Variants in SPI1 observed in about 807,000 individuals in gnomAD.
SPI1 encodes the protein transcription factor PU.1.
SPI1 carries 3 observed loss-of-function variants against 30.7 expected under a neutral mutation model. That is an observed-to-expected ratio of 0.10 (90% confidence interval 0.04 to 0.25). The LOEUF (loss-of-function observed/expected upper bound fraction) is 0.25. Ranked by LOEUF, SPI1 falls within the 10% of genes least tolerant of loss-of-function variation. The pLI is 1.00. For synonymous variants in SPI1, 169 were observed against 157.1 expected (o/e 1.08, Z -0.56); for missense variants, 261 against 371.5 (o/e 0.70, Z 2.45).
At chr11:47,355,757 C>T (rs2095907412) in intron 4 of SPI1, among the ~76,000 whole-genome samples, 1 of 145,094 alleles carries the variant, frequency 6.9e-6, no homozygotes, top group Admixed American at 7.1e-5. Context: ...CACACACCCA[C>T]TCACACCCAC....
intron 2 of SPI1, among the ~76,000 whole-genome samples, chr11:47,365,669 A>C (rs946742609): frequency 2.7e-5 from 2 of 72,966 alleles, no homozygotes; most frequent in African/African-American, 8.3e-5. Flanking sequence ...GAAAACTTTC[A>C]GTAAGACCTG....
At chr11:47,358,818 C>T (rs1339134279) in intron 4 of SPI1, 26 bp downstream of exon 4, 2 of 1,548,612 alleles carry the variant, frequency 1.3e-6, no homozygotes, top group African/African-American at 2.7e-5. Context: ...AGGGTCGGGG[C>T]CAGGGTGGAG....
chr11:47,372,940 C>G (rs1313904936), intron 2 of SPI1, among the ~76,000 whole-genome samples: 1 of 152,202 alleles, frequency 6.6e-6, no homozygotes, highest in Non-Finnish European at 1.5e-5. Flanking sequence ...TGGGCCAAAG[C>G]TTTTTCACTA....
rs1057233 is a variant in SPI1, at chr11:47,354,897, G to A, written c.*330C>T. On this transcript the variant is annotated 3_prime_UTR_variant, in exon 5 of 5. Coordinates refer to ENST00000378538, the MANE Select transcript of SPI1 (RefSeq NM_003120.3). Reference sequence around the variant, plus strand: ...AACTTTACTTGTTTTTTGGGAGGAGGTTAATGGGTGGGAGGGGTGAGAGGG... The same window carrying A: ...AACTTTACTTGTTTTTTGGGAGGAGATTAATGGGTGGGAGGGGTGAGAGGG... 0.68 allele frequency: 162,263 copies of A among 238,742 alleles called. 55,669 individuals carry two copies. The highest frequency in any genetic ancestry group is 0.75 in the African/African-American group (32,753 of 43,944). 14.8% of individuals were successfully genotyped at this position (238,742 alleles called of 1,614,324 possible).
At chr11:47,361,266 G>C (rs1435148421) in intron 2 of SPI1, among the ~76,000 whole-genome samples, 1 of 152,162 alleles carries the variant, frequency 6.6e-6, no homozygotes, top group East Asian at 1.9e-4. Context: ...CAGAGTCACA[G>C]GGCTGACATT....
At chr11:47,356,628 C>G (rs1565635698) in intron 4 of SPI1, among the ~76,000 whole-genome samples, 1 of 151,858 alleles carries the variant, frequency 6.6e-6, no homozygotes, top group Non-Finnish European at 1.5e-5. Flanking sequence ...CTTACACATG[C>G]TTGCACAAAC....
At position 47,358,999 on chromosome 11, in the gene SPI1, T is replaced by C. The variant is rs376045381; in HGVS notation, c.338A>G (p.Tyr113Cys). The C allele has an allele frequency of 2.0e-5, 31 of 1,527,280 alleles. No individual in the cohort carries two copies. Among genetic ancestry groups the C allele is most frequent in the Middle Eastern group, 1.8e-4 (1 of 5,556 alleles). The allele number at this position is 1,527,280 out of a possible 1,614,324, so 94.6% of individuals were successfully genotyped here. A position where few individuals can be genotyped will look rare whatever the true frequency, so the allele number is the denominator to read the frequency against. Reference protein sequence around the residue: ...PHPSLGHQVSYLPRMCLQYPS... With the variant: ...PHPSLGHQVSCLPRMCLQYPS... ...GTACTGGAGGCACATCCGGGGCAGG[T>C]AGGAGACCTGGACGGTGGGGGAAGG... The change falls in exon 4 of 5, where the codon TAC becomes TGC. Residue 113 changes from tyrosine (Y) to cysteine (C), a missense_variant. By Grantham distance (194) the Tyr-to-Cys change is radical. Coordinates refer to ENST00000378538, the MANE Select transcript of SPI1 (RefSeq NM_003120.3).
At chr11:47,358,583 C>A (rs1159630269) in intron 4 of SPI1, 24 of 702,706 alleles carry the variant, frequency 3.4e-5, no homozygotes, top group Non-Finnish European at 6.0e-5. Context: ...TCACACACAC[C>A]CAGATGTACA....
intron 4 of SPI1, among the ~76,000 whole-genome samples, chr11:47,356,954 TCA>T (rs1041905389): frequency 1.5e-4 from 21 of 143,618 alleles, no homozygotes; most frequent in East Asian, 2.1e-4. Flanking sequence ...ACACACCCAC[TCA>T]CACATGCTCA....
At chr11:47,360,109 C>G in intron 2 of SPI1, 69 bp from the exon 3 acceptor site, 1 of 1,321,734 alleles carries the variant, frequency 7.6e-7, no homozygotes, top group Non-Finnish European at 1.0e-6. Flanking sequence ...GTTATAGTAA[C>G]ATTAAATAAT....
chr11:47,367,553 C>A (rs866157396), intron 2 of SPI1, among the ~76,000 whole-genome samples: 123 of 114,424 alleles, frequency 1.1e-3, no homozygotes, highest in Middle Eastern at 4.5e-3. Context: ...GACTCTGCCT[C>A]AAAAAAAAAA....
At chr11:47,356,367 C>A (rs2095909267) in intron 4 of SPI1, among the ~76,000 whole-genome samples, 1 of 150,736 alleles carries the variant, frequency 6.6e-6, no homozygotes, top group Non-Finnish European at 1.5e-5. Flanking sequence ...CACACCCACT[C>A]ATGCTCACAC....
intron 2 of SPI1, among the ~76,000 whole-genome samples, chr11:47,365,034 T>C (rs1297730696): frequency 6.6e-6 from 1 of 152,214 alleles, no homozygotes; most frequent in Admixed American, 6.5e-5. Flanking sequence ...CAGGCAATTA[T>C]GTAATAAATA....
rs760405055 is a variant in SPI1 at position 47,359,841 on chromosome 11, G to A, written c.330+12C>T. 1.1e-5 allele frequency: 18 copies of A among 1,601,962 alleles called. No individual in the cohort carries two copies. The highest frequency in any genetic ancestry group is 8.8e-5 in the South Asian group (8 of 91,048). ...CAGTCTCCTGGGGGACGGGGCAGGCGGTGGCATGCACCTGGTGGCCAAGAC... is the reference window on the plus strand; with the variant it reads ...CAGTCTCCTGGGGGACGGGGCAGGCAGTGGCATGCACCTGGTGGCCAAGAC... On this transcript the variant is annotated intron_variant, in intron 3 of 4. Transcript: ENST00000378538. The surrounding 1 kb of genome is among the most constrained non-coding windows in gnomAD (Gnocchi z 5.1).
intron 2 of SPI1, among the ~76,000 whole-genome samples, chr11:47,363,711 C>G (rs1222602249): frequency 6.6e-6 from 1 of 151,868 alleles, no homozygotes; most frequent in Admixed American, 6.6e-5. Context: ...GCCTGTAATC[C>G]AAGCACTTTG....
chr11:47,356,646 C>T (rs2095910173), intron 4 of SPI1, among the ~76,000 whole-genome samples: 1 of 151,828 alleles, frequency 6.6e-6, no homozygotes, highest in Non-Finnish European at 1.5e-5. Flanking sequence ...AACACACCTG[C>T]TTACACATCT....
At chr11:47,357,344 CAT>C (rs900582763) in intron 4 of SPI1, among the ~76,000 whole-genome samples, 22 of 40,922 alleles carry the variant, frequency 5.4e-4, no homozygotes, top group East Asian at 4.9e-3. Context: ...CCTGCTCACT[CAT>C]ATTTCACACC....
chr11:47,357,391 CACAT>C (rs1402997772), intron 4 of SPI1, among the ~76,000 whole-genome samples: 1 of 152,178 alleles, frequency 6.6e-6, no homozygotes, highest in Non-Finnish European at 1.5e-5. Context: ...CTCACGCATG[CACAT>C]ACATTCTGCT....
chr11:47,376,154 G>A (rs1300729794), intron 1 of SPI1, among the ~76,000 whole-genome samples: 2 of 151,646 alleles, frequency 1.3e-5, no homozygotes, highest in Non-Finnish European at 2.9e-5. Context: ...CCATGCAGGC[G>A]CCTGCACACT....
Sources: gnomAD v4.1 joint callset for allele counts (sites outside exome capture counted in the v4.1 genomes callset) on GRCh38, gnomAD v4.1.1 for gene constraint, Gnocchi (gnomAD v3.1) non-coding constraint, MANE v1.5 for transcripts, NCBI Gene and HGNC (gene_info 2026-07-23, HGNC 2026-07-21) for gene names.